Variants in CSMD3 observed in about 807,000 individuals in gnomAD.
The protein encoded by CSMD3 is CUB and Sushi multiple domains 3.
In CSMD3, 177 loss-of-function variants were observed where a neutral mutation model predicts 435.2. That is an observed-to-expected ratio of 0.41 (90% CI 0.36 to 0.46). The LOEUF is 0.46. CSMD3 is among the 20% of genes least tolerant of loss of function. The pLI is 0.34. For missense variants in CSMD3, 4,265 were observed against 4,504.6 expected, an observed-to-expected ratio of 0.95 and a Z score of 1.52; for synonymous variants, 1,656 against 1,520.5, an observed-to-expected ratio of 1.09 and a Z score of -2.07.
intron 14 of CSMD3, among the ~76,000 whole-genome samples, chr8:112,687,004 A>G (rs1272905298): frequency 6.6e-6 from 1 of 152,108 alleles, no homozygotes; most frequent in Non-Finnish European, 1.5e-5. Context: ...AATTTTTGCA[A>G]TATAAATAAC....
intron 35 of CSMD3, among the ~76,000 whole-genome samples, chr8:112,401,800 A>T (rs186037051): frequency 6.6e-6 from 1 of 152,340 alleles, no homozygotes; most frequent in East Asian, 1.9e-4. Flanking sequence ...ACATTCAAGG[A>T]ATCCTAAATT....
chr8:112,864,100 A>G (rs1010198864), intron 10 of CSMD3, among the ~76,000 whole-genome samples: 1 of 152,200 alleles, frequency 6.6e-6, no homozygotes, highest in Non-Finnish European at 1.5e-5. Flanking sequence ...TACATGCAAT[A>G]TAATTTTTGT....
chr8:113,232,747 G>A (rs1196702321), intron 3 of CSMD3, among the ~76,000 whole-genome samples: 2 of 151,626 alleles, frequency 1.3e-5, no homozygotes, highest in Non-Finnish European at 3.0e-5. Context: ...TTACCCGTAA[G>A]TGCCATTTAT....
At chr8:112,638,027 G>A (rs1182359439) in intron 21 of CSMD3, among the ~76,000 whole-genome samples, 2 of 151,452 alleles carry the variant, frequency 1.3e-5, no homozygotes, top group Admixed American at 1.3e-4. Flanking sequence ...CTAAGTGGTG[G>A]GAATACATTT....
intron 13 of CSMD3, among the ~76,000 whole-genome samples, chr8:112,756,393 A>G (rs752853382): frequency 7.9e-5 from 12 of 152,194 alleles, no homozygotes; most frequent in African/African-American, 4.8e-5. Context: ...TTTAAAGAGT[A>G]GCTCCTTACC....
intron 59 of CSMD3, among the ~76,000 whole-genome samples, chr8:112,273,453 C>T (rs1278262578): frequency 4.6e-5 from 7 of 152,096 alleles, no homozygotes; most frequent in East Asian, 1.9e-4. Flanking sequence ...TTGAGTTGGA[C>T]GGTGGCTCAC....
At chr8:113,434,365 GCAAA>G (rs1231564529) in intron 1 of CSMD3, among the ~76,000 whole-genome samples, 1 of 152,140 alleles carries the variant, frequency 6.6e-6, no homozygotes, top group Non-Finnish European at 1.5e-5. Context: ...AGACATTGGG[GCAAA>G]CAATGTTTAA....
chr8:113,195,245 G>C (rs2092637780), intron 3 of CSMD3, among the ~76,000 whole-genome samples: 1 of 138,176 alleles, frequency 7.2e-6, no homozygotes. Flanking sequence ...TTTTTTTCAA[G>C]CTTCAGGTGC....
chr8:112,278,016 A>C (rs1451029946), intron 59 of CSMD3, among the ~76,000 whole-genome samples: 1 of 152,068 alleles, frequency 6.6e-6, no homozygotes, highest in African/African-American at 2.4e-5. Flanking sequence ...CTCTCAAACC[A>C]TTTCTGACCA....
intron 3 of CSMD3, among the ~76,000 whole-genome samples, chr8:113,187,269 A>C (rs979665449): frequency 4.6e-5 from 7 of 151,580 alleles, no homozygotes; most frequent in Non-Finnish European, 7.4e-5. Flanking sequence ...GTTTTAGCTG[A>C]ACTAAGGAGC....
chr8:112,390,714 T>C lies in CSMD3; in HGVS notation c.5884A>G (p.Asn1962Asp), dbSNP rs368386847. Residue 1962 changes from asparagine to aspartate, a missense_variant, in exon 36 of 71, where the codon AAT becomes GAT. Around this residue, in one of 3 missense-constraint regions of CSMD3, gnomAD observed 3,255 missense variants for 3,380.2 expected, o/e 0.96. Coordinates refer to ENST00000297405, the MANE Select transcript of CSMD3 (RefSeq NM_198123.2). ...GTGATCTTCCACACACAATTCAGAT[T>C]GTTGTCATAAGGCTCAGGGTATCCA... ...SPGYPEPYDN[N>D]LNCVWKITVP... 1.2e-6 allele frequency: 2 copies of C among 1,613,376 alleles called. No individual in the cohort carries two copies. Among genetic ancestry groups the C allele is most frequent in the South Asian group, 2.2e-5 (2 of 91,066 alleles).
chr8:112,679,983 C>T (rs1189149216), intron 16 of CSMD3, among the ~76,000 whole-genome samples: 1 of 152,214 alleles, frequency 6.6e-6, no homozygotes, highest in Admixed American at 6.5e-5. Flanking sequence ...GTGTCCTCCC[C>T]TGCAGTCACA....
intron 9 of CSMD3, among the ~76,000 whole-genome samples, chr8:112,942,709 T>C (rs1315241087): frequency 2.0e-5 from 3 of 151,468 alleles, no homozygotes; most frequent in African/African-American, 7.3e-5. Context: ...GGGGCCTACT[T>C]GAGGTTGGAG....
chr8:112,895,917 T>TTTTG (rs564244594), intron 10 of CSMD3, among the ~76,000 whole-genome samples: 10 of 151,194 alleles, frequency 6.6e-5, no homozygotes, highest in African/African-American at 2.2e-4. Flanking sequence ...AAAAAGTAGG[T>TTTTG]TTTGTTTGTT....
At chr8:112,830,316 G>A (rs530550585) in intron 11 of CSMD3, among the ~76,000 whole-genome samples, 5 of 151,948 alleles carry the variant, frequency 3.3e-5, no homozygotes, top group Admixed American at 1.3e-4. Context: ...TTTATGTATC[G>A]TTTGGTAAAA....
At chr8:112,556,707 GA>G (rs1456335093) in intron 25 of CSMD3, 55 bp downstream of exon 25, 17 of 1,428,442 alleles carry the variant, frequency 1.2e-5, no homozygotes, top group East Asian at 4.6e-5. Flanking sequence ...AAAATGCAAA[GA>G]ATTTGATAAA....
chr8:112,721,654 T>C (rs957087530), intron 13 of CSMD3, among the ~76,000 whole-genome samples: 18 of 152,222 alleles, frequency 1.2e-4, no homozygotes, highest in Admixed American at 3.3e-4. Context: ...AGACTTTTAC[T>C]AATGCATTGT....
chr8:112,520,788 T>C (rs1390395591), intron 27 of CSMD3, among the ~76,000 whole-genome samples: 1 of 151,932 alleles, frequency 6.6e-6, no homozygotes, highest in Non-Finnish European at 1.5e-5. Flanking sequence ...TGAAGAACAT[T>C]TCCACTCCAA....
At chr8:112,690,877 TA>T (rs945263348) in intron 13 of CSMD3, among the ~76,000 whole-genome samples, 7 of 150,646 alleles carry the variant, frequency 4.6e-5, no homozygotes, top group African/African-American at 1.5e-4. Flanking sequence ...CAAACAATAG[TA>T]AAAAAAAATA....
Sources: gnomAD v4.1 joint callset for allele counts (sites outside exome capture counted in the v4.1 genomes callset) on GRCh38, gnomAD v4.1.1 for gene constraint, gnomAD v4.1.1 regional missense constraint, MANE v1.5 for transcripts, NCBI Gene and HGNC (gene_info 2026-07-23, HGNC 2026-07-21) for gene names.